TMPRSS7: variants seen among roughly 807,000 people sequenced by gnomAD.
TMPRSS7 encodes the protein transmembrane serine protease 7.
TMPRSS7 carries 81 observed loss-of-function variants against 95.6 expected under a neutral mutation model. The ratio of observed to expected loss-of-function variants is 0.85; its 90% CI spans 0.71 to 1.02. The LOEUF is 1.02. Ranked by LOEUF, TMPRSS7 falls within the 50% of genes least tolerant of loss-of-function variation. TMPRSS7 has a pLI of 0.00. For missense variants in TMPRSS7, 945 were observed against 955.2 expected (o/e 0.99, Z 0.14); for synonymous variants, 364 against 337.8 (o/e 1.08, Z -0.85).
Position 112,049,773 on chromosome 3 carries a change from C to T in TMPRSS7, c.960-71C>T, listed in dbSNP as rs1390811683. ...GGATGGCCCAGGAAATGTGTGGAATCGTTTTGAATGGAGACCCATTTCTCA... is the reference window on the plus strand; with the variant it reads ...GGATGGCCCAGGAAATGTGTGGAATTGTTTTGAATGGAGACCCATTTCTCA... On this transcript the variant is annotated intron_variant, in intron 7 of 17. Coordinates refer to ENST00000452346, the Ensembl canonical transcript of TMPRSS7. The T allele has an allele frequency of 5.4e-6, 7 of 1,289,354 alleles. No homozygotes were observed. The Admixed American group carries it at 9.3e-5, about 17-fold the overall frequency. The allele number at this position is 1,289,354 out of a possible 1,614,324, so 79.9% of individuals were successfully genotyped here.
intron 13 of TMPRSS7, among the ~76,000 whole-genome samples, chr3:112,071,595 G>C (rs113723270): frequency 6.6e-6 from 1 of 152,286 alleles, no homozygotes; most frequent in African/African-American, 2.4e-5. Context: ...ATCAAATGTA[G>C]ATTTGGTCCT....
intron 9 of TMPRSS7, among the ~76,000 whole-genome samples, chr3:112,056,673 C>T (rs1332937519): frequency 1.3e-5 from 2 of 152,166 alleles, no homozygotes; most frequent in East Asian, 1.9e-4. Context: ...TGCTTTAAAT[C>T]AGTTGTGTCA....
chr3:112,076,973 T>C (rs1234255733), exon 16 of TMPRSS7: 1 of 1,614,164 alleles, frequency 6.2e-7, no homozygotes, highest in Non-Finnish European at 8.5e-7. Context: ...GGTCCACGAG[T>C]ACTATAACAG....
chr3:112,063,443 C>T, intron 11 of TMPRSS7, 82 bp from the exon 12 acceptor site: 1 of 1,042,428 alleles, frequency 9.6e-7, no homozygotes, highest in African/African-American at 1.6e-5. Flanking sequence ...AACCACTTCA[C>T]ACTTTAAATT....
At chr3:112,058,657 T>C (rs4682352) in intron 10 of TMPRSS7, among the ~76,000 whole-genome samples, 36,466 of 152,156 alleles carry the variant, frequency 0.24, 4,527 homozygotes, top group Middle Eastern at 0.28. Flanking sequence ...TAGAGATTTG[T>C]AAAGAAAACA....
chr3:112,042,178 A>G, intron 3 of TMPRSS7, 128 bp downstream of exon 3: 1 of 640,368 alleles, frequency 1.6e-6, no homozygotes. Context: ...GGGTAGACAA[A>G]GGAAGGTGTC....
intron 17 of TMPRSS7, among the ~76,000 whole-genome samples, chr3:112,080,252 C>T (rs1304775527): frequency 6.6e-6 from 1 of 152,132 alleles, no homozygotes; most frequent in Non-Finnish European, 1.5e-5. Flanking sequence ...TAAGCCTTTG[C>T]TTAGAGGAAT....
At chr3:112,045,368 G>A (rs9829318) in intron 4 of TMPRSS7, among the ~76,000 whole-genome samples, 133,273 of 152,152 alleles carry the variant, frequency 0.88, 59,798 homozygotes, top group East Asian at 1. Flanking sequence ...GGCTGGTCTC[G>A]AACTCCTGAC....
intron 1 of TMPRSS7, among the ~76,000 whole-genome samples, chr3:112,035,803 CAATT>C (rs1185075402): frequency 6.6e-6 from 1 of 152,116 alleles, no homozygotes; most frequent in African/African-American, 2.4e-5. Context: ...GGAAGGGAAA[CAATT>C]AAATAATGTA....
At chr3:112,052,602 T>C (rs2073377469) in intron 9 of TMPRSS7, among the ~76,000 whole-genome samples, 1 of 151,920 alleles carries the variant, frequency 6.6e-6, no homozygotes, top group Non-Finnish European at 1.5e-5. Context: ...GCAGCAAGTC[T>C]GAGGAGGAGA....
rs141804679 is a variant in TMPRSS7 at position 112,048,635 on chromosome 3, T to C, written c.959+668T>C. 5.7e-3 allele frequency among the ~76,000 whole-genome samples: 868 copies of C among 152,312 alleles called. 7 individuals carry two copies. The highest frequency in any genetic ancestry group is 0.02 in the African/African-American group (831 of 41,558). ...CTAAAAAGGTACATAAATCATCCTATTATTTTTAACCGTGTCTATGGATGT... is the reference window on the plus strand; with the variant it reads ...CTAAAAAGGTACATAAATCATCCTACTATTTTTAACCGTGTCTATGGATGT... On this transcript the variant is annotated intron_variant, in intron 7 of 17. Transcript: ENST00000452346.
chr3:112,044,964 G>A (rs1360643424), intron 4 of TMPRSS7, among the ~76,000 whole-genome samples: 2 of 152,158 alleles, frequency 1.3e-5, no homozygotes, highest in Non-Finnish European at 2.9e-5. Context: ...GGGCCGACTG[G>A]AAACCAAATT....
At chr3:112,080,568 C>A (rs111613476) in intron 17 of TMPRSS7, among the ~76,000 whole-genome samples, 26 of 62,478 alleles carry the variant, frequency 4.2e-4, no homozygotes, top group Non-Finnish European at 7.8e-4. Context: ...ACTACTACTA[C>A]TATTACCACC....
intron 13 of TMPRSS7, among the ~76,000 whole-genome samples, chr3:112,072,733 C>T (rs1044095876): frequency 8.5e-5 from 13 of 152,254 alleles, no homozygotes; most frequent in South Asian, 4.1e-4. Context: ...CAGACTGCTG[C>T]GCTAGCAGTG....
At chr3:112,050,076 G>C in intron 8 of TMPRSS7, 102 bp downstream of exon 8, 1 of 1,176,158 alleles carries the variant, frequency 8.5e-7, no homozygotes. Context: ...CATTGTATTA[G>C]TCTGGGACTC....
At chr3:112,036,504 G>A (rs965716053) in intron 1 of TMPRSS7, among the ~76,000 whole-genome samples, 1 of 151,370 alleles carries the variant, frequency 6.6e-6, no homozygotes, top group African/African-American at 2.4e-5. Flanking sequence ...TGAGGCAGAG[G>A]TTGCAGTGAG....
Position 112,078,739 on chromosome 3 carries a change from C to A in TMPRSS7, c.2225-3C>A. On this transcript the variant is annotated splice_region_variant and splice_polypyrimidine_tract_variant and intron_variant, in intron 16 of 17. Coordinates refer to ENST00000452346, the Ensembl canonical transcript of TMPRSS7. Reference sequence around the variant, plus strand: ...TCATTTCTACTTCCAATGTGTTTTGCAGATAATAAAGGCTCCCTCGTTCTG... The same window carrying A: ...TCATTTCTACTTCCAATGTGTTTTGAAGATAATAAAGGCTCCCTCGTTCTG... 6.2e-7 allele frequency: 1 copy of A among 1,614,038 alleles called. No individual in the cohort carries two copies. Among genetic ancestry groups the A allele is most frequent in the East Asian group, 2.2e-5 (1 of 44,880 alleles).
chr3:112,042,888 C>T, intron 3 of TMPRSS7: 1 of 396,670 alleles, frequency 2.5e-6, no homozygotes, highest in Non-Finnish European at 5.2e-6. Context: ...CACATATTAC[C>T]AACTAGAACG....
rs74786772 is a variant in TMPRSS7 at position 112,056,704 on chromosome 3, G to A, written c.1204-321G>A. On this transcript the variant is annotated intron_variant, in intron 9 of 17. Coordinates refer to ENST00000452346, the Ensembl canonical transcript of TMPRSS7. ...TGTCATATGTACATTAAAAGAGTAA[G>A]GTGTTTACACTCATTAACAAGTGGG... Among the ~76,000 whole-genome samples the A allele has an allele frequency of 5.5e-3, 836 of 152,282 alleles. 3 individuals carry two copies. Among genetic ancestry groups the A allele is most frequent in the Non-Finnish European group, 8.3e-3 (565 of 68,020 alleles).
Sources: gnomAD v4.1 joint callset for allele counts (sites outside exome capture counted in the v4.1 genomes callset) on GRCh38, gnomAD v4.1.1 for gene constraint, MANE v1.5 for transcripts, NCBI Gene and HGNC (gene_info 2026-07-23, HGNC 2026-07-21) for gene names.